ATG16L2: variants seen among roughly 807,000 people sequenced by gnomAD.
ATG16L2 encodes protein Atg16l2.
In ATG16L2, 77 loss-of-function variants were observed where a neutral mutation model predicts 84.7. That is an observed-to-expected ratio of 0.91 (90% CI 0.76 to 1.10). ATG16L2 has a LOEUF of 1.10. Ranked by LOEUF, ATG16L2 falls within the 50% of genes least tolerant of loss-of-function variation. ATG16L2 has a pLI of 0.00. For synonymous variants in ATG16L2, 361 were observed against 342.8 expected (o/e 1.05, Z -0.59); for missense variants, 782 against 817.6 (o/e 0.96, Z 0.53).
rs573215028 is a variant in ATG16L2 at position 72,829,238 on chromosome 11, G to A, written c.1773-65G>A. 2.8e-5 allele frequency: 43 copies of A among 1,560,500 alleles called. No individual in the cohort carries two copies. In the African/African-American group the frequency reaches 5.5e-4, roughly 20 times the overall value. ...CAAACTACCCAGGTCCAGCAGTCGG[G>A]GCAGAGCCAGGTTGCAGGCGCAGTT... On this transcript the variant is annotated intron_variant, in intron 17 of 17. Transcript: ENST00000321297.
intron 5 of ATG16L2, chr11:72,838,710 G>A (rs756899598): frequency 1.5e-5 from 17 of 1,165,238 alleles, no homozygotes; most frequent in Non-Finnish European, 1.9e-5. Context: ...TCATCATCAT[G>A]CAAAGGTGCC....
Position 72,826,374 on chromosome 11 carries a change from C to G in ATG16L2, c.1173+131C>G, listed in dbSNP as rs1232676100. On this transcript the variant is annotated intron_variant, in intron 11 of 17. Transcript: ENST00000321297. ...CAGGCCCCTGGGCTCTTACACAGATCCTCCTCCTTGGGCCGGAGGCTCCTT... is the reference window on the plus strand; with the variant it reads ...CAGGCCCCTGGGCTCTTACACAGATGCTCCTCCTTGGGCCGGAGGCTCCTT... The G allele has an allele frequency of 4.2e-6, 6 of 1,421,820 alleles. No individual in the cohort carries two copies. In the East Asian group the frequency reaches 1.2e-4, roughly 29 times the overall value. The allele number at this position is 1,421,820 out of a possible 1,614,324, so 88.1% of individuals were successfully genotyped here.
intron 7 of ATG16L2, 80 bp from the exon 8 acceptor site, chr11:72,823,980 G>A: frequency 6.6e-7 from 1 of 1,521,244 alleles, no homozygotes; most frequent in Non-Finnish European, 9.1e-7. Flanking sequence ...CAGGTCTCTG[G>A]CAAAGTGTGG....
In ATG16L2 at chr11:72,817,806, G is replaced by A; in HGVS notation, c.269G>A (p.Arg90Lys). The A allele has an allele frequency of 6.2e-7, 1 of 1,613,554 alleles. No individual in the cohort carries two copies. Among genetic ancestry groups the A allele is most frequent in the Admixed American group, 1.7e-5 (1 of 60,030 alleles). ...CAAGTCCCATCACTGGTCGCACTGA[G>A]GGTGAAGTGGCAGGAGGAGGAGGAG... Reference protein sequence around the residue: ...SDQVPSLVALRVKWQEEEEGL... With the variant: ...SDQVPSLVALKVKWQEEEEGL... Residue 90 changes from arginine (R) to lysine (K), a missense_variant, in exon 3 of 18, where the codon AGG becomes AAG. Arg to Lys is a conservative substitution (Grantham distance 26, BLOSUM62 2). Coordinates refer to ENST00000321297, the MANE Select transcript of ATG16L2 (RefSeq NM_033388.2).
In ATG16L2 at chr11:72,828,775, A is replaced by G; in HGVS notation, c.1669A>G (p.Ser557Gly). Residue 557 changes from serine (S) to glycine (G), a missense_variant and splice_region_variant, in exon 16 of 18, where the codon AGC (serine) becomes GGC (glycine). Transcript: ENST00000321297. ...TTCTGACTGGACCAAAGCTGTGTTC[A>G]GGTATGTCCGTGAGAGCATATGCCT... is the stretch of plus-strand genomic sequence containing the variant. The part of the protein sequence containing the change: ...CGSDWTKAVF[S>G]PDRSYALAGS... 6.2e-7 allele frequency: 1 copy of G among 1,614,174 alleles called. No homozygotes were observed. The highest frequency in any genetic ancestry group is 8.5e-7 in the Non-Finnish European group (1 of 1,180,032).
At chr11:72,820,003 C>G (rs1158260758) in intron 3 of ATG16L2, 2 of 152,210 alleles carry the variant, frequency 1.3e-5, no homozygotes, top group Admixed American at 1.3e-4. Flanking sequence ...CCTTGGCCTC[C>G]CAAAGTGCTG....
In ATG16L2 at chr11:72,822,890, G is replaced by GAC. The variant is rs764968609; in HGVS notation, c.754_755dup (p.Ala254TrpfsTer30). On this transcript the variant is annotated frameshift_variant, in exon 7 of 18. Coordinates refer to ENST00000321297, the MANE Select transcript of ATG16L2 (RefSeq NM_033388.2). LOFTEE classifies it high-confidence loss of function. The surrounding 1 kb of genome is among the most constrained non-coding windows in gnomAD (Gnocchi z 4.2). Reference sequence around the variant, plus strand: ...GCGATGGGATGAGGGAGAGAAGGGAGACTCTGGCTCTGGCCCCTGAGCCAG... The same window carrying GAC: ...GCGATGGGATGAGGGAGAGAAGGGAGACACTCTGGCTCTGGCCCCTGAGCCAG... 61 of 1,577,538 alleles carry GAC rather than the reference G, an allele frequency of 3.9e-5. No individual in the cohort carries two copies. In the East Asian group the frequency reaches 1.3e-3, roughly 34 times the overall value.
chr11:72,823,168 C>A, intron 7 of ATG16L2: 1 of 518,992 alleles, frequency 1.9e-6, no homozygotes. Context: ...CCAACCCCTA[C>A]CCTCAACCCT....
At chr11:72,835,354 G>A (rs1208883516) in intron 5 of ATG16L2, among the ~76,000 whole-genome samples, 1 of 152,196 alleles carries the variant, frequency 6.6e-6, no homozygotes, top group Non-Finnish European at 1.5e-5. Flanking sequence ...CCTAGTTCTG[G>A]AGGGAAGGAC....
chr11:72,823,186 C>T (rs1860117268), intron 7 of ATG16L2: 1 of 478,370 alleles, frequency 2.1e-6, no homozygotes, highest in Non-Finnish European at 3.7e-6. Context: ...CCTTTCCCTC[C>T]TTCTTGGGAT....
At chr11:72,823,701 G>C (rs888721437) in intron 7 of ATG16L2, 2 of 471,846 alleles carry the variant, frequency 4.2e-6, no homozygotes, top group Admixed American at 2.3e-5. Flanking sequence ...CACCCAGTGA[G>C]CCTAGGCTCC....
At chr11:72,821,937 C>T (rs188033427) in intron 4 of ATG16L2, 107 bp from the exon 5 acceptor site, 2 of 1,425,378 alleles carry the variant, frequency 1.4e-6, no homozygotes, top group African/African-American at 2.9e-5. Flanking sequence ...AGCCACCCGG[C>T]TAGCCGCGTT....
intron 15 of ATG16L2, 50 bp downstream of exon 15, chr11:72,828,558 G>A: frequency 1.9e-6 from 3 of 1,611,532 alleles, no homozygotes; most frequent in Non-Finnish European, 2.5e-6. Flanking sequence ...GGACAGCTGA[G>A]CCTCTCTTCT....
rs1252710241 is a variant in ATG16L2, at chr11:72,814,528, C to T, written c.83C>T (p.Thr28Met). 3.2e-6 allele frequency: 5 copies of T among 1,571,544 alleles called. No individual in the cohort carries two copies. The highest frequency in any genetic ancestry group is 3.6e-5 in the Admixed American group (2 of 54,954). The change falls in exon 1 of 18, where the codon ACG (threonine) becomes ATG (methionine). Residue 28 changes from threonine to methionine, a missense_variant. Coordinates refer to ENST00000321297, the MANE Select transcript of ATG16L2 (RefSeq NM_033388.2). ...IVRQLRLRDRTQKALFLELVP... is the reference protein window; with the variant it reads ...IVRQLRLRDRMQKALFLELVP... ...CGGCAGCTGCGGCTTCGGGACCGTA[C>T]GCAAAAGGCGCTTTTCCTGGAGCTG...
At chr11:72,823,562 T>C (rs377697639) in intron 7 of ATG16L2, 1 of 419,428 alleles carries the variant, frequency 2.4e-6, no homozygotes, top group Non-Finnish European at 4.7e-6. Flanking sequence ...TGCAGGTCCC[T>C]GGTGTCCAGG....
At chr11:72,831,467 T>TG (rs1280431404), downstream of ATG16L2, among the ~76,000 whole-genome samples, 2 of 152,194 alleles carry the variant, frequency 1.3e-5, no homozygotes, top group Non-Finnish European at 2.9e-5. Context: ...AATGCGCCAT[T>TG]GCACTCTAGC....
intron 5 of ATG16L2, chr11:72,838,837 C>T (rs757495469): frequency 5.6e-6 from 9 of 1,608,434 alleles, no homozygotes; most frequent in Admixed American, 3.4e-5. Flanking sequence ...TGCTGGCCTT[C>T]GGTGATTCTG....
Position 72,822,748 on chromosome 11 carries a change from C to A in ATG16L2, c.711-100C>A. The A allele has an allele frequency of 9.3e-7, 1 of 1,075,080 alleles. No individual in the cohort carries two copies. The highest frequency in any genetic ancestry group is 1.3e-6 in the Non-Finnish European group (1 of 743,806). The allele number at this position is 1,075,080 out of a possible 1,614,324, so 66.6% of individuals were successfully genotyped here. The stretch of plus-strand genomic sequence containing the variant: ...CTGCACGTGTACACCCACACAGAAC[C>A]CTCATCACTGGGAATTCCTGTCTTC... On this transcript the variant is annotated intron_variant, in intron 6 of 17. Transcript: ENST00000321297. This position sits in a 1 kb window ranked among gnomAD's most constrained non-coding sequence, Gnocchi z 4.2.
At chr11:72,835,975 T>A (rs1051651749) in intron 5 of ATG16L2, among the ~76,000 whole-genome samples, 1 of 152,226 alleles carries the variant, frequency 6.6e-6, no homozygotes, top group Non-Finnish European at 1.5e-5. Context: ...CTCAAACTCC[T>A]GACCTCAAGT....
Sources: gnomAD v4.1 joint callset for allele counts (sites outside exome capture counted in the v4.1 genomes callset) on GRCh38, gnomAD v4.1.1 for gene constraint, Gnocchi (gnomAD v3.1) non-coding constraint, MANE v1.5 for transcripts, NCBI Gene and HGNC (gene_info 2026-07-23, HGNC 2026-07-21) for gene names.